Variants in CDKN2B-AS1 observed in about 807,000 individuals in gnomAD.
CDKN2B-AS1 encodes CDKN2B antisense RNA 1 (non-protein coding).
intron 1 of CDKN2B-AS1, among the ~76,000 whole-genome samples, chr9:22,014,152 T>G (rs1244284168): frequency 6.6e-6 from 1 of 152,146 alleles, no homozygotes; most frequent in Non-Finnish European, 1.5e-5. Flanking sequence ...AATGTCTTTT[T>G]AAATTATTTA....
chr9:22,114,697 T>C (rs1190809089), intron 4 of CDKN2B-AS1, among the ~76,000 whole-genome samples: 1 of 152,220 alleles, frequency 6.6e-6, no homozygotes, highest in Non-Finnish European at 1.5e-5. Flanking sequence ...ATGGACTCAG[T>C]ACAAACTTGG....
In CDKN2B-AS1 at chr9:21,996,943, ATCAG is replaced by A. The variant is rs770576361; in HGVS notation, n.29+1788_29+1791del. Among the ~76,000 whole-genome samples the A allele has an allele frequency of 1.3e-5, 2 of 152,152 alleles. No homozygotes were observed. Among genetic ancestry groups the A allele is most frequent in the African/African-American group, 2.4e-5 (1 of 41,428 alleles). On this transcript the variant is annotated intron_variant and non_coding_transcript_variant, in intron 1 of 4. Coordinates refer to ENST00000650946, the Ensembl canonical transcript of CDKN2B-AS1. This position sits in a 1 kb window ranked among gnomAD's most constrained non-coding sequence, Gnocchi z 5.4. ...AACATCTTTTGAAGTCGCTATCTAT[ATCAG>A]TCAGTTCTCCAGGGAAACAGAACCC...
chr9:22,115,559 C>G (rs910183585), intron 4 of CDKN2B-AS1, among the ~76,000 whole-genome samples: 6 of 152,148 alleles, frequency 3.9e-5, no homozygotes, highest in African/African-American at 1.4e-4. Flanking sequence ...CTTCTCAAAA[C>G]TTCACATTCC....
chr9:22,066,890 AAGGG>A, intron 4 of CDKN2B-AS1, among the ~76,000 whole-genome samples: 1 of 152,146 alleles, frequency 6.6e-6, no homozygotes, highest in African/African-American at 2.4e-5. Context: ...CAGCCATAAA[AAGGG>A]ATGAGTTCTT....
At position 22,006,339 on chromosome 9, in the gene CDKN2B-AS1, C is replaced by T; in HGVS notation, n.29+11178C>T. The T allele has an allele frequency of 6.5e-7, 1 of 1,540,676 alleles. No homozygotes were observed. Among genetic ancestry groups the T allele is most frequent in the African/African-American group, 1.4e-5 (1 of 73,596 alleles). On this transcript the variant is annotated intron_variant and non_coding_transcript_variant, in intron 1 of 4. Coordinates refer to ENST00000650946, the Ensembl canonical transcript of CDKN2B-AS1. This position sits in a 1 kb window ranked among gnomAD's most constrained non-coding sequence, Gnocchi z 6.4. ...AGGCAGGTGGAGCCATTTAAAGAAA[C>T]ACCTAATTGCAAAGTTTTCACCCAG...
At chr9:22,123,677 ACAGT>A (rs1223695105) in intron 4 of CDKN2B-AS1, among the ~76,000 whole-genome samples, 20 of 151,566 alleles carry the variant, frequency 1.3e-4, no homozygotes, top group Admixed American at 1.3e-3. Flanking sequence ...GAAGAAGAAG[ACAGT>A]CAGAGAGAAG....
In CDKN2B-AS1 at chr9:22,028,964, A is replaced by AT. The variant is rs1822354773; in HGVS notation, n.30-17782dup. 2.6e-5 allele frequency among the ~76,000 whole-genome samples: 4 copies of AT among 152,136 alleles called. No homozygotes were observed. The South Asian group carries it at 8.3e-4, about 32-fold the overall frequency. ...GTATAATACAATTTAGCATCTCCAT[A>AT]TTTTTGAAAATGAACTTGTTTCTCT... On this transcript the variant is annotated intron_variant and non_coding_transcript_variant, in intron 1 of 4. Transcript: ENST00000650946.
At chr9:22,089,111 T>C (rs560337315) in intron 4 of CDKN2B-AS1, among the ~76,000 whole-genome samples, 4 of 152,336 alleles carry the variant, frequency 2.6e-5, no homozygotes, top group Non-Finnish European at 5.9e-5. Context: ...TCTAGCCAAA[T>C]AATTTTTCCT....
At chr9:22,014,418 G>A (rs1821650024) in intron 1 of CDKN2B-AS1, among the ~76,000 whole-genome samples, 1 of 152,036 alleles carries the variant, frequency 6.6e-6, no homozygotes, top group Non-Finnish European at 1.5e-5. Context: ...TCCTGCTTCA[G>A]CCTCCCAAAG....
chr9:22,007,517 G>C (rs1821251922), intron 1 of CDKN2B-AS1, among the ~76,000 whole-genome samples: 1 of 152,138 alleles, frequency 6.6e-6, no homozygotes, highest in Non-Finnish European at 1.5e-5. Flanking sequence ...CATATTTAAA[G>C]TCAATTATAA....
chr9:22,020,746 G>T (rs961591057), intron 1 of CDKN2B-AS1, among the ~76,000 whole-genome samples: 1 of 152,002 alleles, frequency 6.6e-6, no homozygotes, highest in Non-Finnish European at 1.5e-5. Flanking sequence ...TTGTAAATTT[G>T]TTTAAGGTCT....
At chr9:22,036,758 G>A (rs1237559166) in intron 1 of CDKN2B-AS1, among the ~76,000 whole-genome samples, 1 of 152,062 alleles carries the variant, frequency 6.6e-6, no homozygotes, top group African/African-American at 2.4e-5. Flanking sequence ...CTTGAAACAA[G>A]GCTAAAATGC....
intron 4 of CDKN2B-AS1, among the ~76,000 whole-genome samples, chr9:22,106,226 G>A (rs10757275): frequency 0.42 from 64,293 of 151,960 alleles, 15,023 homozygotes; most frequent in Middle Eastern, 0.63. Flanking sequence ...GGGAGTACAG[G>A]CACACGCCAC....
intron 4 of CDKN2B-AS1, among the ~76,000 whole-genome samples, chr9:22,114,219 T>A (rs1825878962): frequency 2.0e-5 from 3 of 152,238 alleles, no homozygotes; most frequent in Admixed American, 2.0e-4. Context: ...GAAAGTTCCC[T>A]CTTATACCTG....
chr9:22,019,245 T>G (rs1429938162), intron 1 of CDKN2B-AS1, among the ~76,000 whole-genome samples: 1 of 152,226 alleles, frequency 6.6e-6, no homozygotes, highest in Non-Finnish European at 1.5e-5. Context: ...TAAAGACACA[T>G]GATGTGATCA....
At chr9:22,019,607 A>G (rs1052496482) in intron 1 of CDKN2B-AS1, among the ~76,000 whole-genome samples, 6 of 152,180 alleles carry the variant, frequency 3.9e-5, no homozygotes, top group African/African-American at 1.4e-4. Context: ...AACTTGAGAC[A>G]TGGTGAACTA....
At chr9:22,127,682 C>T (rs185258331) in exon 5 of CDKN2B-AS1, among the ~76,000 whole-genome samples, 188 of 152,142 alleles carry the variant, frequency 1.2e-3, no homozygotes, top group African/African-American at 4.2e-3. Flanking sequence ...GGAAGGGAGA[C>T]AGGAGGGTCC....
intron 4 of CDKN2B-AS1, among the ~76,000 whole-genome samples, chr9:22,085,599 T>C (rs1970112): frequency 0.49 from 73,761 of 151,538 alleles, 17,980 homozygotes; most frequent in Middle Eastern, 0.67. Flanking sequence ...CGGGCCCCTG[T>C]AGTCCCAGGT....
intron 4 of CDKN2B-AS1, among the ~76,000 whole-genome samples, chr9:22,094,692 G>A (rs542290752): frequency 6.9e-6 from 1 of 143,916 alleles, no homozygotes; most frequent in Non-Finnish European, 1.5e-5. Flanking sequence ...CTCTGCGTTG[G>A]TTATTCTAGT....
Sources: gnomAD v4.1 joint callset for allele counts (sites outside exome capture counted in the v4.1 genomes callset) on GRCh38, gnomAD v4.1.1 for gene constraint, Gnocchi (gnomAD v3.1) non-coding constraint, MANE v1.5 for transcripts, NCBI Gene and HGNC (gene_info 2026-07-23, HGNC 2026-07-21) for gene names.